The following WNT7A variants were observed in gnomAD, a reference collection of about 807,000 sequenced individuals.
WNT7A encodes protein Wnt-7a.
WNT7A carries 16 observed loss-of-function variants against 28.2 expected under a neutral mutation model. The observed-to-expected ratio is 0.57, with a 90% CI of 0.38 to 0.86. The LOEUF (loss-of-function observed/expected upper bound fraction) is 0.86, where lower values mean the gene tolerates loss of function less well. Ranked by LOEUF, WNT7A falls within the 40% of genes least tolerant of loss-of-function variation. The probability of loss-of-function intolerance (pLI) is 0.00; values close to 1 mark genes in which losing one functional copy is unlikely to be tolerated. For synonymous variants in WNT7A, 190 were observed against 195.9 expected (o/e 0.97, Z 0.25); for missense variants, 411 against 489.7 (o/e 0.84, Z 1.52).
intron 3 of WNT7A, among the ~76,000 whole-genome samples, chr3:13,837,670 C>T (rs1191392520): frequency 6.6e-6 from 1 of 152,074 alleles, no homozygotes; most frequent in African/African-American, 2.4e-5. Context: ...TGAAGCATCC[C>T]GGAAAGTCTC....
chr3:13,827,602 G>A (rs932867197), intron 3 of WNT7A, among the ~76,000 whole-genome samples: 7 of 151,918 alleles, frequency 4.6e-5, no homozygotes, highest in African/African-American at 1.2e-4. Flanking sequence ...CCAGACCCTC[G>A]GGCTGCCCAG....
At chr3:13,856,554 A>G (rs1316798780) in intron 2 of WNT7A, among the ~76,000 whole-genome samples, 1 of 152,226 alleles carries the variant, frequency 6.6e-6, no homozygotes, top group Non-Finnish European at 1.5e-5. Context: ...ATGGTGGCTT[A>G]CGCCTGTAAT....
chr3:13,861,997 C>G (rs2124867247), intron 2 of WNT7A, among the ~76,000 whole-genome samples: 1 of 152,316 alleles, frequency 6.6e-6, no homozygotes. Context: ...GACTTCAGCT[C>G]AGAACTCAGA....
At position 13,860,791 on chromosome 3, in the gene WNT7A, G is replaced by A. The variant is rs141296369; in HGVS notation, c.299-5988C>T. Among the ~76,000 whole-genome samples the A allele has an allele frequency of 4.2e-3, 634 of 152,264 alleles. 6 individuals are homozygous for A. The highest frequency in any genetic ancestry group is 0.014 in the African/African-American group (590 of 41,548). On this transcript the variant is annotated intron_variant, in intron 2 of 3. Coordinates refer to ENST00000285018, the MANE Select transcript of WNT7A (RefSeq NM_004625.4). The stretch of plus-strand genomic sequence containing the variant: ...CCTTCATTCAGGTGGGTAATTTCCC[G>A]AATGCCTAAGATAAATGCCTCATTT...
Position 13,817,446 on chromosome 3 carries a change from ACACACACACACACACACACACACACCG to A in WNT7A, c.*1471_*1497del, listed in dbSNP as rs1694023585. On this transcript the variant is annotated 3_prime_UTR_variant, in exon 4 of 4. Transcript: ENST00000285018. ...AGTACACACACACACACACACACACACACACACACACACACACACACACACCGGAAATGCAAACGGACACATATTAGA... is the reference window on the plus strand; with the variant it reads ...AGTACACACACACACACACACACACAGAAATGCAAACGGACACATATTAGA... The A allele has an allele frequency of 9.4e-6, 1 of 106,772 alleles. No individual in the cohort carries two copies. Among genetic ancestry groups the A allele is most frequent in the Admixed American group, 8.4e-5 (1 of 11,928 alleles). The allele number at this position is 106,772 out of a possible 1,614,324, so 6.6% of individuals were successfully genotyped here.
chr3:13,842,786 C>T (rs999349538), intron 3 of WNT7A, among the ~76,000 whole-genome samples: 71 of 152,242 alleles, frequency 4.7e-4, no homozygotes, highest in African/African-American at 1.7e-3. Flanking sequence ...TGCTCATGGG[C>T]CAGTAGACAT....
chr3:13,819,552 G>C, intron 3 of WNT7A, 129 bp from the exon 4 acceptor site: 1 of 1,310,348 alleles, frequency 7.6e-7, no homozygotes, highest in Non-Finnish European at 1.0e-6. Context: ...TTTTCTTTCT[G>C]GTGTAGGAAA....
intron 2 of WNT7A, 122 bp from the exon 3 acceptor site, chr3:13,854,925 T>C: frequency 7.6e-7 from 1 of 1,309,282 alleles, no homozygotes; most frequent in South Asian, 1.2e-5. Context: ...CTCGACTGAG[T>C]ACCCGTTCCT....
intron 3 of WNT7A, among the ~76,000 whole-genome samples, chr3:13,827,259 A>G (rs929022107): frequency 1.3e-5 from 2 of 152,210 alleles, no homozygotes; most frequent in African/African-American, 2.4e-5. Flanking sequence ...CCTGGAATGT[A>G]TGTAAGCAGC....
chr3:13,852,220 G>A (rs1051370537), intron 3 of WNT7A, among the ~76,000 whole-genome samples: 1 of 150,450 alleles, frequency 6.6e-6, no homozygotes, highest in African/African-American at 2.4e-5. Context: ...CAGCCTCCCC[G>A]CTTCCCCTTC....
At chr3:13,862,987 C>T (rs1243208787) in intron 2 of WNT7A, among the ~76,000 whole-genome samples, 1 of 152,216 alleles carries the variant, frequency 6.6e-6, no homozygotes, top group Non-Finnish European at 1.5e-5. Flanking sequence ...CTGACCCCCT[C>T]TTCCTGACAG....
chr3:13,835,150 G>A (rs1694345947), intron 3 of WNT7A, among the ~76,000 whole-genome samples: 1 of 152,230 alleles, frequency 6.6e-6, no homozygotes, highest in African/African-American at 2.4e-5. Context: ...GAAACAGGAA[G>A]GAGGGCAGTG....
intron 2 of WNT7A, among the ~76,000 whole-genome samples, chr3:13,873,215 G>A (rs1695051607): frequency 6.6e-6 from 1 of 152,110 alleles, no homozygotes; most frequent in African/African-American, 2.4e-5. Flanking sequence ...GGCTTGGGAA[G>A]AGGGAAAAGC....
intron 3 of WNT7A, among the ~76,000 whole-genome samples, chr3:13,843,698 A>G (rs1299943307): frequency 6.6e-6 from 1 of 151,938 alleles, no homozygotes; most frequent in Non-Finnish European, 1.5e-5. Flanking sequence ...TTGAAAAAAA[A>G]AAAGGTCATG....
Position 13,818,351 on chromosome 3 carries a change from C to CGGAAAAAAAAAAAAAA in WNT7A, c.*592_*593insTTTTTTTTTTTTTTCC. On this transcript the variant is annotated 3_prime_UTR_variant, in exon 4 of 4. Coordinates refer to ENST00000285018, the MANE Select transcript of WNT7A (RefSeq NM_004625.4). ...TTTCTGGATAAGTAGCAGCAAACAG[C>CGGAAAAAAAAAAAAAA]AAAAAAAAAAAAAAAAATGTGTGTG... 1.3e-5 allele frequency: 1 copy of CGGAAAAAAAAAAAAAA among 79,956 alleles called. No individual in the cohort carries two copies. The highest frequency in any genetic ancestry group is 4.7e-4 in the South Asian group (1 of 2,126). The allele number at this position is 79,956 out of a possible 1,614,324, so 5.0% of individuals were successfully genotyped here.
At chr3:13,824,042 T>A (rs1694149940) in intron 3 of WNT7A, among the ~76,000 whole-genome samples, 1 of 152,234 alleles carries the variant, frequency 6.6e-6, no homozygotes, top group African/African-American at 2.4e-5. Flanking sequence ...TTGAATTCCT[T>A]TACTTTTGTC....
At chr3:13,871,059 A>G (rs1053690215) in intron 2 of WNT7A, among the ~76,000 whole-genome samples, 1 of 152,206 alleles carries the variant, frequency 6.6e-6, no homozygotes, top group Non-Finnish European at 1.5e-5. Context: ...AGCTGGTCTC[A>G]TGTCCACTCT....
At chr3:13,834,395 T>C (rs571935248) in intron 3 of WNT7A, among the ~76,000 whole-genome samples, 1 of 152,162 alleles carries the variant, frequency 6.6e-6, no homozygotes, top group African/African-American at 2.4e-5. Flanking sequence ...GGGTGCACAC[T>C]GGAGGTCAGG....
At chr3:13,858,972 C>T (rs774187262) in intron 2 of WNT7A, among the ~76,000 whole-genome samples, 7 of 152,226 alleles carry the variant, frequency 4.6e-5, no homozygotes, top group Non-Finnish European at 7.3e-5. Flanking sequence ...TTCGTTGCTT[C>T]CTCTGTGAAA....
Sources: allele counts gnomAD v4.1 joint callset (sites outside exome capture counted in the v4.1 genomes callset), GRCh38; gene constraint gnomAD v4.1.1; transcripts MANE v1.5; gene names NCBI Gene and HGNC (gene_info 2026-07-23, HGNC 2026-07-21).